SLC9A5: variants seen among roughly 807,000 people sequenced by gnomAD.
The protein encoded by SLC9A5 is sodium/hydrogen exchanger 5.
A neutral mutation model predicts 91.7 loss-of-function variants in SLC9A5; 52 were observed. The ratio of observed to expected loss-of-function variants is 0.57; its 90% confidence interval spans 0.45 to 0.71. SLC9A5 has a LOEUF of 0.71. Among genes scored for constraint, SLC9A5 ranks in the 30% least tolerant of loss-of-function variants. The probability of loss-of-function intolerance (pLI) is 0.00; values close to 1 mark genes in which losing one functional copy is unlikely to be tolerated. For missense variants in SLC9A5, 871 were observed against 1,158.9 expected (o/e 0.75, Z 3.61); for synonymous variants, 419 against 474.5 (o/e 0.88, Z 1.52).
In SLC9A5 at chr16:67,271,365, C is replaced by T. The variant is rs980285080; in HGVS notation, c.*155C>T. The T allele has an allele frequency of 1.5e-6, 1 of 663,092 alleles. No individual in the cohort carries two copies. The highest frequency in any genetic ancestry group is 1.8e-5 in the South Asian group (1 of 55,094). 41.1% of individuals were successfully genotyped at this position (663,092 alleles called of 1,614,324 possible). On this transcript the variant is annotated 3_prime_UTR_variant, in exon 16 of 16. Coordinates refer to ENST00000299798, the MANE Select transcript of SLC9A5 (RefSeq NM_004594.3). ...GAGCTAGTCAGAGGGGTCACCTAAG[C>T]TGGTCCTCACAGGGGCCTTTCTCAC...
intron 2 of SLC9A5, among the ~76,000 whole-genome samples, chr16:67,253,987 G>A (rs1056760372): frequency 3.3e-5 from 5 of 152,148 alleles, no homozygotes; most frequent in Non-Finnish European, 7.3e-5. Flanking sequence ...ACTCTAACCT[G>A]GTTTCCCTAT....
intron 1 of SLC9A5, among the ~76,000 whole-genome samples, chr16:67,251,403 CTTTTTTTTTTTTTTTTT>C (rs939453669): frequency 3.1e-5 from 2 of 64,800 alleles, no homozygotes; most frequent in South Asian, 9.6e-4. Context: ...AGTAGATTGT[CTTTTTTTTTTTTTTTTT>C]TTTTTTTTTT....
Position 67,271,181 on chromosome 16 carries a change from A to T in SLC9A5, c.2662A>T (p.Ile888Phe). 2 of 1,612,792 alleles carry T rather than the reference A, an allele frequency of 1.2e-6. No individual in the cohort carries two copies. Among genetic ancestry groups the T allele is most frequent in the Non-Finnish European group, 1.7e-6 (2 of 1,179,992 alleles). ...SPGTATSHWCIQFNRGSRL is the reference protein window; with the variant it reads ...SPGTATSHWCFQFNRGSRL ...AGGCACCGCTACCTCCCACTGGTGC[A>T]TCCAGTTCAACAGAGGCAGCCGGCT... Residue 888 changes from isoleucine (I) to phenylalanine (F), a missense_variant, in exon 16 of 16, where the codon ATC (isoleucine) becomes TTC (phenylalanine). Physicochemically the swap from Ile to Phe is conservative, Grantham distance 21 (BLOSUM62 0). Coordinates refer to ENST00000299798, the MANE Select transcript of SLC9A5 (RefSeq NM_004594.3).
Position 67,264,765 on chromosome 16 carries a change from C to T in SLC9A5, c.2013+243C>T, listed in dbSNP as rs114296271. Among the ~76,000 whole-genome samples, 497 of 152,196 alleles carry T rather than the reference C, an allele frequency of 3.3e-3. 2 individuals are homozygous for T. The highest frequency in any genetic ancestry group is 0.011 in the African/African-American group (473 of 41,510). On this transcript the variant is annotated intron_variant, in intron 13 of 15. Coordinates refer to ENST00000299798, the MANE Select transcript of SLC9A5 (RefSeq NM_004594.3). The stretch of plus-strand genomic sequence containing the variant: ...GTCACCTGCTGGGAGGCAGCAGGGC[C>T]GCCTACCAAAGATGAAAAAGGCAGG...
intron 15 of SLC9A5, among the ~76,000 whole-genome samples, chr16:67,267,989 C>T (rs951081187): frequency 6.6e-6 from 1 of 152,072 alleles, no homozygotes; most frequent in Admixed American, 6.6e-5. Context: ...ATAAATACTT[C>T]AGTACATGTC....
chr16:67,268,975 T>C (rs1259143664), intron 15 of SLC9A5, among the ~76,000 whole-genome samples: 3 of 151,690 alleles, frequency 2.0e-5, no homozygotes, highest in Non-Finnish European at 4.4e-5. Context: ...TAAACCCTGA[T>C]CCATAGTTTC....
At chr16:67,249,618 G>C (rs939903373) in intron 1 of SLC9A5, among the ~76,000 whole-genome samples, 9 of 152,274 alleles carry the variant, frequency 5.9e-5, no homozygotes, top group Non-Finnish European at 7.4e-5. Context: ...CAGGCATCCT[G>C]GTTCTGAAAA....
rs2035334486 is a variant in SLC9A5 at position 67,256,769 on chromosome 16, C to T, written c.1132+80C>T. On this transcript the variant is annotated intron_variant, in intron 6 of 15. Transcript: ENST00000299798. This position sits in a 1 kb window ranked among gnomAD's most constrained non-coding sequence, Gnocchi z 4.1. ...CAGCTCATCTCCCTATCTGAGTCCA[C>T]ATCTTTGTCAATTCCTAAGCCTCCT... 1.5e-6 allele frequency: 2 copies of T among 1,356,982 alleles called. No homozygotes were observed. The highest frequency in any genetic ancestry group is 2.1e-6 in the Non-Finnish European group (2 of 954,284). The allele number at this position is 1,356,982 out of a possible 1,614,324, so 84.1% of individuals were successfully genotyped here.
chr16:67,253,918 T>C (rs2035219474), intron 2 of SLC9A5, among the ~76,000 whole-genome samples: 1 of 152,156 alleles, frequency 6.6e-6, no homozygotes, highest in Non-Finnish European at 1.5e-5. Context: ...ACCCTGAAGG[T>C]TAATGATTCA....
At chr16:67,262,688 A>C (rs1269114801) in intron 12 of SLC9A5, 1 of 199,924 alleles carries the variant, frequency 5.0e-6, no homozygotes, top group Non-Finnish European at 1.0e-5. Flanking sequence ...TTCTCTGAGG[A>C]GAGTGTTTCA....
intron 15 of SLC9A5, among the ~76,000 whole-genome samples, chr16:67,268,691 T>C (rs1419255030): frequency 8.7e-5 from 7 of 80,818 alleles, no homozygotes; most frequent in Non-Finnish European, 1.3e-4. Flanking sequence ...TATATATATA[T>C]ATATATATAT....
rs2142353582 is a variant in SLC9A5, at chr16:67,257,027, A to T, written c.1249A>T (p.Ile417Phe). 6.2e-7 allele frequency: 1 copy of T among 1,613,852 alleles called. No homozygotes were observed. Among genetic ancestry groups the T allele is most frequent in the East Asian group, 2.2e-5 (1 of 44,876 alleles). ...LRGAVAFALV[I>F]LLDRTKVPAK... ...GGGGGCTGTGGCCTTTGCTCTCGTC[A>T]TCCTACTGGATAGGACCAAGGTCCC... The change falls in exon 7 of 16, where the codon ATC (isoleucine) becomes TTC (phenylalanine). Residue 417 changes from isoleucine to phenylalanine, a missense_variant. Transcript: ENST00000299798. The surrounding 1 kb of genome is among the most constrained non-coding windows in gnomAD (Gnocchi z 5.1).
chr16:67,266,246 C>T (rs1326474160), intron 15 of SLC9A5, 21 bp downstream of exon 15: 2 of 1,574,012 alleles, frequency 1.3e-6, no homozygotes, highest in African/African-American at 2.8e-5. Flanking sequence ...CCTCCCTGCC[C>T]ACCTCCCCTC....
At chr16:67,264,917 G>A in intron 13 of SLC9A5, 123 bp from the exon 14 acceptor site, 1 of 947,338 alleles carries the variant, frequency 1.1e-6, no homozygotes, top group Non-Finnish European at 1.7e-6. Flanking sequence ...TAGAACCACT[G>A]GGACTGACAT....
Position 67,257,089 on chromosome 16 carries a change from G to C in SLC9A5, c.1311G>C (p.Val437=). 1 of 1,611,680 alleles carries C rather than the reference G, an allele frequency of 6.2e-7. No homozygotes were observed. Among genetic ancestry groups the C allele is most frequent in the Non-Finnish European group, 8.5e-7 (1 of 1,179,926 alleles). ...KDYFVATTIV[V]VFFTVIVQGL... ...ACTTTGTAGCCACCACTATTGTAGT[G>C]GTCTTCTTCACAGTCATCGTGCAGG... The change falls in exon 7 of 16, where the codon GTG becomes GTC. Residue 437 remains valine (V), a synonymous_variant. Coordinates refer to ENST00000299798, the MANE Select transcript of SLC9A5 (RefSeq NM_004594.3). The surrounding 1 kb of genome is among the most constrained non-coding windows in gnomAD (Gnocchi z 5.1).
rs140109446 is a variant in SLC9A5, at chr16:67,267,305, C to T, written c.2218+1080C>T. ...GTCTCCATGTTGGTCAGGCTGGTTTCGAACTCCTGACCTCAGGTGATCTGC... is the reference window on the plus strand; with the variant it reads ...GTCTCCATGTTGGTCAGGCTGGTTTTGAACTCCTGACCTCAGGTGATCTGC... On this transcript the variant is annotated intron_variant, in intron 15 of 15. Transcript: ENST00000299798. Among the ~76,000 whole-genome samples, 928 of 151,578 alleles carry T rather than the reference C, an allele frequency of 6.1e-3. 13 individuals are homozygous for T. The highest frequency in any genetic ancestry group is 0.021 in the African/African-American group (871 of 41,332).
intron 15 of SLC9A5, among the ~76,000 whole-genome samples, chr16:67,268,658 TTATATATATATATATATATATATA>T (rs60054219): frequency 0.022 from 951 of 42,334 alleles, 57 homozygotes; most frequent in Admixed American, 0.03. Flanking sequence ...ATTTCCCTGA[TTATATATATATATATATATATATA>T]TATATATATA....
intron 1 of SLC9A5, among the ~76,000 whole-genome samples, chr16:67,250,385 A>G (rs921776983): frequency 6.6e-6 from 1 of 152,192 alleles, no homozygotes; most frequent in African/African-American, 2.4e-5. Flanking sequence ...AGGGACAAGT[A>G]TGGAGAGATC....
chr16:67,252,057 G>A lies in SLC9A5; in HGVS notation c.188-485G>A, dbSNP rs554430201. Among the ~76,000 whole-genome samples the A allele has an allele frequency of 3.3e-5, 5 of 152,308 alleles. No individual in the cohort carries two copies. The highest frequency in any genetic ancestry group is 1.9e-4 in the East Asian group (1 of 5,180). ...CCTAGGTTACCATAGTGTGACAGGA[G>A]CACTAAGAAACAGATGACTTTGACT... is the stretch of plus-strand genomic sequence containing the variant. On this transcript the variant is annotated intron_variant, in intron 1 of 15. Transcript: ENST00000299798. The surrounding 1 kb of genome is among the most constrained non-coding windows in gnomAD (Gnocchi z 4.0).
Sources: gnomAD v4.1 joint callset for allele counts (sites outside exome capture counted in the v4.1 genomes callset) on GRCh38, gnomAD v4.1.1 for gene constraint, Gnocchi (gnomAD v3.1) non-coding constraint, MANE v1.5 for transcripts, NCBI Gene and HGNC (gene_info 2026-07-23, HGNC 2026-07-21) for gene names.